GDAP2: variants seen among roughly 807,000 people sequenced by gnomAD.
The protein encoded by GDAP2 is ganglioside induced differentiation associated protein 2, also known as ganglioside-induced differentiation-associated protein 2.
GDAP2 carries 51 observed loss-of-function variants against 67.0 expected under a neutral mutation model. The ratio of observed to expected loss-of-function variants is 0.76; its 90% CI spans 0.61 to 0.96. The LOEUF is 0.96. Ranked by LOEUF, GDAP2 falls within the 40% of genes least tolerant of loss-of-function variation. The pLI is 0.00. For synonymous variants in GDAP2, 203 were observed against 207.3 expected (o/e 0.98, Z 0.18); for missense variants, 547 against 588.3 (o/e 0.93, Z 0.73).
At chr1:117,924,171 T>C (rs1370710877) in intron 1 of GDAP2, among the ~76,000 whole-genome samples, 3 of 152,192 alleles carry the variant, frequency 2.0e-5, no homozygotes, top group African/African-American at 7.2e-5. Flanking sequence ...CATGTGCAGG[T>C]TAGTTATGTA....
rs1570957105 is a variant in GDAP2, at chr1:117,865,137, A to G, written c.*5432T>C. 1 of 152,216 alleles carries G rather than the reference A, an allele frequency of 6.6e-6. No individual in the cohort carries two copies. The highest frequency in any genetic ancestry group is 1.9e-4 in the East Asian group (1 of 5,200). 9.4% of individuals were successfully genotyped at this position (152,216 alleles called of 1,614,324 possible). A position where few individuals can be genotyped will look rare whatever the true frequency, so the allele number is the denominator to read the frequency against. On this transcript the variant is annotated 3_prime_UTR_variant, in exon 14 of 14. Transcript: ENST00000369443. ...TGATACATGCACATGAAAGTTTGGG[A>G]AACACTAGTCCAGGTCTCCACAGAG...
At chr1:117,893,973 A>G (rs1304380886) in intron 8 of GDAP2, among the ~76,000 whole-genome samples, 1 of 152,302 alleles carries the variant, frequency 6.6e-6, no homozygotes. Context: ...AGCTGTATTT[A>G]GAGAAGAGTT....
chr1:117,886,709 G>T, intron 9 of GDAP2, 56 bp from the exon 10 acceptor site: 1 of 878,886 alleles, frequency 1.1e-6, no homozygotes. Flanking sequence ...AATACTATTT[G>T]TCTTGGGCTC....
rs866598344 is a variant in GDAP2, at chr1:117,870,139, A to C, written c.*430T>G. The C allele has an allele frequency of 6.0e-6, 1 of 167,138 alleles. No homozygotes were observed. Among genetic ancestry groups the C allele is most frequent in the Non-Finnish European group, 1.3e-5 (1 of 78,228 alleles). The allele number at this position is 167,138 out of a possible 1,614,324, so 10.4% of individuals were successfully genotyped here. ...CATGGTATTAACACCATGGATCTGA[A>C]GCAAACAATGCATCTGGTTAGCATA... On this transcript the variant is annotated 3_prime_UTR_variant, in exon 14 of 14. Coordinates refer to ENST00000369443, the MANE Select transcript of GDAP2 (RefSeq NM_017686.4).
intron 10 of GDAP2, among the ~76,000 whole-genome samples, chr1:117,884,652 A>G (rs572425840): frequency 7.9e-5 from 12 of 152,292 alleles, no homozygotes; most frequent in African/African-American, 2.6e-4. Context: ...GAATATCCAG[A>G]ACCCCATGCA....
chr1:117,917,681 C>A (rs182911858), intron 3 of GDAP2, among the ~76,000 whole-genome samples: 1 of 152,254 alleles, frequency 6.6e-6, no homozygotes, highest in Admixed American at 6.5e-5. Flanking sequence ...CTCAAACATG[C>A]AGTTTAACAT....
At chr1:117,920,948 G>C (rs796135628) in intron 1 of GDAP2, among the ~76,000 whole-genome samples, 47 of 152,236 alleles carry the variant, frequency 3.1e-4, no homozygotes, top group African/African-American at 1.1e-3. Flanking sequence ...AAAATACAAA[G>C]GAAGGATGAA....
chr1:117,883,677 T>TGA, intron 10 of GDAP2, 50 bp from the exon 11 acceptor site: 2 of 1,369,192 alleles, frequency 1.5e-6, no homozygotes, highest in Non-Finnish European at 2.0e-6. Context: ...AACAGTAGTC[T>TGA]ATTTCACAGA....
In GDAP2 at chr1:117,915,668, T is replaced by G. The variant is rs572000255; in HGVS notation, c.316+2929A>C. On this transcript the variant is annotated intron_variant, in intron 3 of 13. Transcript: ENST00000369443. ...ATGTATGTATACATCCACACCCACA[T>G]ACAGGTTCATACAACAAACAAACCT... is the stretch of plus-strand genomic sequence containing the variant. Among the ~76,000 whole-genome samples the G allele has an allele frequency of 2.5e-4, 38 of 152,336 alleles. 1 individual carries two copies. Among genetic ancestry groups the G allele is most frequent in the Middle Eastern group, 3.4e-3 (1 of 294 alleles).
At position 117,867,804 on chromosome 1, in the gene GDAP2, C is replaced by T. The variant is rs780568293; in HGVS notation, c.*2765G>A. ...TTAAAATATGTACCATTTGCCCTCA[C>T]GAGTCTAATAAAGGCTGAACCTTTT... is the stretch of plus-strand genomic sequence containing the variant. On this transcript the variant is annotated 3_prime_UTR_variant, in exon 14 of 14. Coordinates refer to ENST00000369443, the MANE Select transcript of GDAP2 (RefSeq NM_017686.4). 9.2e-5 allele frequency: 14 copies of T among 152,062 alleles called. No homozygotes were observed. Among genetic ancestry groups the T allele is most frequent in the African/African-American group, 1.7e-4 (7 of 41,398 alleles). The allele number at this position is 152,062 out of a possible 1,614,324, so 9.4% of individuals were successfully genotyped here. A position where few individuals can be genotyped will look rare whatever the true frequency, so the allele number is the denominator to read the frequency against.
intron 12 of GDAP2, among the ~76,000 whole-genome samples, chr1:117,879,486 T>C (rs1648578455): frequency 6.6e-6 from 1 of 152,162 alleles, no homozygotes. Context: ...ATGATGATGA[T>C]GATGATGATA....
At position 117,863,682 on chromosome 1, in the gene GDAP2, A is replaced by G. The variant is rs778162222; in HGVS notation, c.*6887T>C. Reference sequence around the variant, plus strand: ...AGAAAATAAACTTTCTAAATAAGCAATTTACATTGATATTCTATATTTAAA... The same window carrying G: ...AGAAAATAAACTTTCTAAATAAGCAGTTTACATTGATATTCTATATTTAAA... On this transcript the variant is annotated 3_prime_UTR_variant, in exon 14 of 14. Transcript: ENST00000369443. The G allele has an allele frequency of 2.0e-5, 3 of 152,224 alleles. No individual in the cohort carries two copies. Among genetic ancestry groups the G allele is most frequent in the Non-Finnish European group, 4.4e-5 (3 of 68,034 alleles). The allele number at this position is 152,224 out of a possible 1,614,324, so 9.4% of individuals were successfully genotyped here. A position where few individuals can be genotyped will look rare whatever the true frequency, so the allele number is the denominator to read the frequency against.
intron 7 of GDAP2, 69 bp from the exon 8 acceptor site, chr1:117,897,058 G>T: frequency 9.0e-7 from 1 of 1,106,162 alleles, no homozygotes; most frequent in Non-Finnish European, 1.3e-6. Flanking sequence ...TGTGAATGCT[G>T]CAGTAAGGAT....
At chr1:117,905,680 A>G (rs950313042) in intron 6 of GDAP2, among the ~76,000 whole-genome samples, 38 of 152,190 alleles carry the variant, frequency 2.5e-4, no homozygotes, top group Non-Finnish European at 4.6e-4. Flanking sequence ...GACCTAATAT[A>G]GCAAACCTGT....
intron 7 of GDAP2, among the ~76,000 whole-genome samples, chr1:117,897,746 G>A (rs1649313470): frequency 6.6e-6 from 1 of 152,146 alleles, no homozygotes; most frequent in Non-Finnish European, 1.5e-5. Flanking sequence ...CCAAGGCAAT[G>A]CCAGCACTTG....
chr1:117,893,441 C>T (rs568415679), intron 8 of GDAP2, among the ~76,000 whole-genome samples: 26 of 152,162 alleles, frequency 1.7e-4, no homozygotes, highest in Non-Finnish European at 2.9e-4. Context: ...GGCAGTGCTA[C>T]GAAAGGAGTG....
chr1:117,909,286 CTTAAA>C (rs930411788), intron 5 of GDAP2, among the ~76,000 whole-genome samples: 1 of 152,036 alleles, frequency 6.6e-6, no homozygotes, highest in African/African-American at 2.4e-5. Flanking sequence ...ATAGTAGTCA[CTTAAA>C]TTTTTGTTGG....
chr1:117,894,170 C>T (rs1161177687), intron 8 of GDAP2, among the ~76,000 whole-genome samples: 3 of 149,930 alleles, frequency 2.0e-5, no homozygotes, highest in African/African-American at 7.4e-5. Context: ...GACAGGGTCT[C>T]TCTCTTTCGC....
At chr1:117,904,268 C>T (rs1269269902) in intron 6 of GDAP2, among the ~76,000 whole-genome samples, 1 of 152,108 alleles carries the variant, frequency 6.6e-6, no homozygotes, top group South Asian at 2.1e-4. Context: ...GGATTACAGG[C>T]ATGAGCCATT....
Sources: gnomAD v4.1 joint callset for allele counts (sites outside exome capture counted in the v4.1 genomes callset) on GRCh38, gnomAD v4.1.1 for gene constraint, MANE v1.5 for transcripts, NCBI Gene and HGNC (gene_info 2026-07-23, HGNC 2026-07-21) for gene names.